The following ZFAT variants were observed in gnomAD, a reference collection of about 807,000 sequenced individuals.
The protein encoded by ZFAT is zinc finger and AT-hook domain containing.
ZFAT carries 64 observed loss-of-function variants against 117.7 expected under a neutral mutation model. The ratio of observed to expected loss-of-function variants is 0.54; its 90% CI spans 0.44 to 0.67. The LOEUF (loss-of-function observed/expected upper bound fraction) is 0.67, where lower values mean the gene tolerates loss of function less well. Among genes scored for constraint, ZFAT ranks in the 30% least tolerant of loss-of-function variants. The pLI, the probability that ZFAT is intolerant of heterozygous loss-of-function variation, is 0.00. For missense variants in ZFAT, 1,433 were observed against 1,584.5 expected (o/e 0.90, Z 1.62); for synonymous variants, 679 against 615.0 (o/e 1.10, Z -1.54).
the ZFAT span, among the ~76,000 whole-genome samples, chr8:134,815,762 T>C: frequency 2.0e-5 from 3 of 152,232 alleles, no homozygotes; most frequent in African/African-American, 7.2e-5. Flanking sequence ...TTCTCCAAAA[T>C]CCTAAGGGCA....
chr8:134,712,931 GGGGGC>G lies in ZFAT; in HGVS notation c.-73_-69del. The G allele has an allele frequency of 6.9e-7, 1 of 1,450,248 alleles. No homozygotes were observed. Among genetic ancestry groups the G allele is most frequent in the Non-Finnish European group, 9.1e-7 (1 of 1,102,026 alleles). 89.8% of individuals were successfully genotyped at this position (1,450,248 alleles called of 1,614,324 possible). On this transcript the variant is annotated 5_prime_UTR_variant, in exon 1 of 16. Coordinates refer to ENST00000377838, the MANE Select transcript of ZFAT (RefSeq NM_020863.4). Reference sequence around the variant, plus strand: ...CCGGGCCCCCTCCCGTGCCGACCGAGGGGGCGGGGCGCCCTGCTGACGCTTCGCTT... The same window carrying G: ...CCGGGCCCCCTCCCGTGCCGACCGAGGGGGCGCCCTGCTGACGCTTCGCTT...
intron 11 of ZFAT, among the ~76,000 whole-genome samples, chr8:134,545,914 A>G (rs181983102): frequency 3.3e-5 from 5 of 152,338 alleles, no homozygotes; most frequent in African/African-American, 1.2e-4. Context: ...GTAAAGAAAG[A>G]AAGACAGTAA....
intron 9 of ZFAT, among the ~76,000 whole-genome samples, chr8:134,587,917 G>A (rs1008268721): frequency 6.6e-6 from 1 of 152,192 alleles, no homozygotes; most frequent in African/African-American, 2.4e-5. Context: ...GGCACAGGGT[G>A]GGCACTGGAG....
At chr8:134,573,357 T>G (rs1202938181) in intron 10 of ZFAT, among the ~76,000 whole-genome samples, 1 of 152,136 alleles carries the variant, frequency 6.6e-6, no homozygotes, top group East Asian at 1.9e-4. Context: ...TTCTTGAGAA[T>G]CGGCAACAAA....
the ZFAT span, among the ~76,000 whole-genome samples, chr8:134,743,835 G>A: frequency 6.6e-6 from 1 of 152,148 alleles, no homozygotes; most frequent in African/African-American, 2.4e-5. Flanking sequence ...CCAGGCTCCT[G>A]GGGAGGCAAA....
intron 11 of ZFAT, among the ~76,000 whole-genome samples, chr8:134,560,978 G>A (rs182162909): frequency 6.6e-6 from 1 of 152,348 alleles, no homozygotes; most frequent in East Asian, 1.9e-4. Context: ...CCATCCTAGG[G>A]AATGCATTTT....
At chr8:134,659,193 G>A (rs1230011622) in intron 1 of ZFAT, among the ~76,000 whole-genome samples, 1 of 152,130 alleles carries the variant, frequency 6.6e-6, no homozygotes. Flanking sequence ...CATCCTCCTC[G>A]CTCCTCACTC....
At chr8:134,684,145 G>A (rs1218710052) in intron 1 of ZFAT, among the ~76,000 whole-genome samples, 1 of 151,994 alleles carries the variant, frequency 6.6e-6, no homozygotes, top group East Asian at 1.9e-4. Context: ...AGAGTACAGG[G>A]ACATTGAAAG....
At chr8:134,768,107 T>C in the ZFAT span, among the ~76,000 whole-genome samples, 1 of 152,234 alleles carries the variant, frequency 6.6e-6, no homozygotes, top group Non-Finnish European at 1.5e-5. Flanking sequence ...TTTTTTGTTT[T>C]TACAAATTGA....
chr8:134,702,524 C>T (rs527968946), intron 1 of ZFAT, among the ~76,000 whole-genome samples: 3 of 152,232 alleles, frequency 2.0e-5, no homozygotes, highest in Admixed American at 1.3e-4. Flanking sequence ...TGAGACCTGA[C>T]AGTTTCATAA....
intron 11 of ZFAT, among the ~76,000 whole-genome samples, chr8:134,557,020 TAAC>T (rs1285722882): frequency 6.6e-6 from 1 of 152,142 alleles, no homozygotes; most frequent in Admixed American, 6.5e-5. Flanking sequence ...CAGCAAAAAA[TAAC>T]AACACTATAT....
intron 15 of ZFAT, among the ~76,000 whole-genome samples, chr8:134,484,005 C>A (rs896558655): frequency 1.3e-5 from 2 of 152,222 alleles, no homozygotes; most frequent in East Asian, 3.8e-4. Flanking sequence ...TCTCCTCTAG[C>A]TCCTCTCCTC....
the ZFAT span, among the ~76,000 whole-genome samples, chr8:134,742,163 C>CT: frequency 0.77 from 113,382 of 146,476 alleles, 43,672 homozygotes; most frequent in African/African-American, 0.82. Context: ...CAGATCATTT[C>CT]TTTTTTTTTT....
At chr8:134,610,680 T>C (rs1377653977) in intron 3 of ZFAT, 25 bp from the exon 4 acceptor site, 7 of 1,611,340 alleles carry the variant, frequency 4.3e-6, no homozygotes, top group Non-Finnish European at 5.9e-6. Flanking sequence ...CCAAGATGCA[T>C]AAGGTATCCT....
chr8:134,712,800 G>GGCCC, intron 1 of ZFAT, 45 bp downstream of exon 1: 31 of 1,140,164 alleles, frequency 2.7e-5, no homozygotes, highest in Non-Finnish European at 3.8e-5. Context: ...GCCGCGCCGC[G>GGCCC]CCCCACCCCC....
the ZFAT span, among the ~76,000 whole-genome samples, chr8:134,805,614 A>G: frequency 6.6e-6 from 1 of 152,278 alleles, no homozygotes; most frequent in African/African-American, 2.4e-5. Context: ...AAAGAAAGGA[A>G]AAAGACTAAG....
At position 134,653,269 on chromosome 8, in the gene ZFAT, T is replaced by TAAAAAA. The variant is rs1441852865; in HGVS notation, c.196+4291_196+4292insTTTTTT. The stretch of plus-strand genomic sequence containing the variant: ...CTTGGAACCAACCCAAATGTCTTTT[T>TAAAAAA]TAAAAAAAAAAAAAAAAAAAAACAA... On this transcript the variant is annotated intron_variant, in intron 2 of 15. Coordinates refer to ENST00000377838, the MANE Select transcript of ZFAT (RefSeq NM_020863.4). Among the ~76,000 whole-genome samples, 17 of 99,156 alleles carry TAAAAAA rather than the reference T, an allele frequency of 1.7e-4. No homozygotes were observed. The East Asian group carries it at 2.0e-3, about 11-fold the overall frequency. 65.1% of individuals were successfully genotyped at this position (99,156 alleles called of 152,430 possible).
intron 15 of ZFAT, among the ~76,000 whole-genome samples, chr8:134,488,534 T>C (rs1190842376): frequency 1.3e-5 from 2 of 152,220 alleles, no homozygotes; most frequent in African/African-American, 2.4e-5. Context: ...CTCTCTGCTT[T>C]GGAGTGTCAC....
chr8:134,549,869 A>G (rs1044867389), intron 11 of ZFAT, among the ~76,000 whole-genome samples: 4 of 152,132 alleles, frequency 2.6e-5, no homozygotes, highest in African/African-American at 9.7e-5. Flanking sequence ...GAGACAAACA[A>G]GGGGAAAGAA....
Sources: allele counts gnomAD v4.1 joint callset (sites outside exome capture counted in the v4.1 genomes callset), GRCh38; gene constraint gnomAD v4.1.1; transcripts MANE v1.5; gene names NCBI Gene and HGNC (gene_info 2026-07-23, HGNC 2026-07-21).